Variants in HSPG2 observed in about 807,000 individuals in gnomAD.
HSPG2 encodes the protein heparan sulfate proteoglycan 2, also known as basement membrane-specific heparan sulfate proteoglycan core protein.
In HSPG2, 278 loss-of-function variants were observed where a neutral mutation model predicts 526.6. The ratio of observed to expected loss-of-function variants is 0.53; its 90% confidence interval spans 0.48 to 0.58. HSPG2 has a LOEUF of 0.58. Ranked by LOEUF, HSPG2 falls within the 20% of genes least tolerant of loss-of-function variation. HSPG2 has a pLI of 0.00. For synonymous variants in HSPG2, 2,465 were observed against 2,555.4 expected (o/e 0.96, Z 1.07); for missense variants, 5,354 against 6,099.5 (o/e 0.88, Z 4.07).
intron 75 of HSPG2, among the ~76,000 whole-genome samples, chr1:21,836,003 A>G (rs901928153): frequency 4.0e-5 from 6 of 151,526 alleles, no homozygotes; most frequent in Admixed American, 3.9e-4. Flanking sequence ...AAAAAAAAAA[A>G]GAATGCTTTG....
In HSPG2 at chr1:21,822,451, C is replaced by A; in HGVS notation, c.*865G>T. 1 of 563,534 alleles carries A rather than the reference C, an allele frequency of 1.8e-6. No homozygotes were observed. Among genetic ancestry groups the A allele is most frequent in the Non-Finnish European group, 3.2e-6 (1 of 313,270 alleles). The allele number at this position is 563,534 out of a possible 1,614,324, so 34.9% of individuals were successfully genotyped here. On this transcript the variant is annotated 3_prime_UTR_variant, in exon 97 of 97. Transcript: ENST00000374695. ...TCTCAGTCGTGAGTCCTGCCTTCCC[C>A]CACCTAAGGCACTAGCTCTTCCTGA...
Position 21,887,565 on chromosome 1 carries a change from A to T in HSPG2, c.813T>A (p.Ala271=). The T allele has an allele frequency of 6.2e-7, 1 of 1,613,998 alleles. No individual in the cohort carries two copies. Among genetic ancestry groups the T allele is most frequent in the Non-Finnish European group, 8.5e-7 (1 of 1,179,980 alleles). Residue 271 remains alanine (A), a synonymous_variant, in exon 8 of 97, where the codon GCT becomes GCA. Coordinates refer to ENST00000374695, the MANE Select transcript of HSPG2 (RefSeq NM_005529.7). The surrounding 1 kb of genome is among the most constrained non-coding windows in gnomAD (Gnocchi z 5.0). ...TIMRQPPVTH[A]PQPLLPGSVR... is the part of the protein sequence containing the mutation. The stretch of plus-strand genomic sequence containing the variant: ...CGGAACCGGGAAGCAGGGGCTGAGG[A>T]GCGTGGGTGACTGGTGGCTGTCGCA...
rs1557804725 is a variant in HSPG2 at position 21,896,292 on chromosome 1, C to CCCT, written c.79_81dup (p.Arg27dup). On this transcript the variant is annotated inframe_insertion, in exon 2 of 97. Coordinates refer to ENST00000374695, the MANE Select transcript of HSPG2 (RefSeq NM_005529.7). Reference sequence around the variant, plus strand: ...TCAGGCAGAGACAAGCCATCGTATGCCCTCAGCCCATGGGTCACCTGTAAG... The same window carrying CCCT: ...TCAGGCAGAGACAAGCCATCGTATGCCCTCCTCAGCCCATGGGTCACCTGTAAG... 6.2e-7 allele frequency: 1 copy of CCCT among 1,613,684 alleles called. No homozygotes were observed. The highest frequency in any genetic ancestry group is 2.2e-5 in the East Asian group (1 of 44,874).
rs376434256 is a variant in HSPG2 at position 21,850,367 on chromosome 1, C to T, written c.7290G>A (p.Val2430=). The change falls in exon 56 of 97, where the codon GTG becomes GTA. Residue 2430 remains valine, a synonymous_variant. Transcript: ENST00000374695. ...VLVTIEPAGS[V]PALGVTPTVR... is the part of the protein sequence containing the mutation. ...CCCTCCCTGAGAGCTACTCACCAGG[C>T]ACTGAGCCCGCAGGCTCAATGGTGA... 1.2e-6 allele frequency: 2 copies of T among 1,606,986 alleles called. No homozygotes were observed. The highest frequency in any genetic ancestry group is 8.5e-7 in the Non-Finnish European group (1 of 1,177,098).
intron 1 of HSPG2, among the ~76,000 whole-genome samples, chr1:21,933,336 G>T (rs1048834925): frequency 2.6e-5 from 4 of 152,166 alleles, no homozygotes; most frequent in Non-Finnish European, 4.4e-5. Flanking sequence ...ATTAAGTCAG[G>T]GGCTGGGACC....
Position 21,887,104 on chromosome 1 carries a change from AG to A in HSPG2, c.1078+110del. On this transcript the variant is annotated intron_variant, in intron 9 of 96. Coordinates refer to ENST00000374695, the MANE Select transcript of HSPG2 (RefSeq NM_005529.7). The surrounding 1 kb of genome is among the most constrained non-coding windows in gnomAD (Gnocchi z 5.0). ...AACAAACAGGCTTGGGGGACTGGGG[AG>A]GGGGGAAAGCGGAGGGGCAGGGTAG... is the stretch of plus-strand genomic sequence containing the variant. The A allele has an allele frequency of 3.3e-6, 3 of 913,664 alleles. No individual in the cohort carries two copies. Among genetic ancestry groups the A allele is most frequent in the Non-Finnish European group, 3.0e-6 (2 of 663,858 alleles). 56.6% of individuals were successfully genotyped at this position (913,664 alleles called of 1,614,324 possible).
At position 21,880,993 on chromosome 1, in the gene HSPG2, C is replaced by T. The variant is rs561360470; in HGVS notation, c.1819-158G>A. Among the ~76,000 whole-genome samples the T allele has an allele frequency of 2.0e-4, 31 of 152,248 alleles. No individual in the cohort carries two copies. In the South Asian group the frequency reaches 3.7e-3, roughly 18 times the overall value. On this transcript the variant is annotated intron_variant, in intron 14 of 96. Coordinates refer to ENST00000374695, the MANE Select transcript of HSPG2 (RefSeq NM_005529.7). ...CTAGGCACAGGGAAACCGAGATGGG[C>T]GAGACTCAGGCCCTGACTCTAGGGT...
Position 21,872,100 on chromosome 1 carries a change from T to C in HSPG2, c.4221+86A>G. ...CCTAACCACGATATGGCCATGCAGG[T>C]GGCAGGTGCCTGCCTGCTGAGAGAC... On this transcript the variant is annotated intron_variant, in intron 33 of 96. Coordinates refer to ENST00000374695, the MANE Select transcript of HSPG2 (RefSeq NM_005529.7). The surrounding 1 kb of genome is among the most constrained non-coding windows in gnomAD (Gnocchi z 5.5). 4.2e-6 allele frequency: 6 copies of C among 1,412,418 alleles called. No individual in the cohort carries two copies. Among genetic ancestry groups the C allele is most frequent in the Non-Finnish European group, 5.9e-6 (6 of 1,022,262 alleles). The allele number at this position is 1,412,418 out of a possible 1,614,324, so 87.5% of individuals were successfully genotyped here.
In HSPG2 at chr1:21,895,216, G is replaced by A. The variant is rs929749272; in HGVS notation, c.244+706C>T. On this transcript the variant is annotated intron_variant, in intron 3 of 96. Coordinates refer to ENST00000374695, the MANE Select transcript of HSPG2 (RefSeq NM_005529.7). The surrounding 1 kb of genome is among the most constrained non-coding windows in gnomAD (Gnocchi z 4.1). ...ATTGTCCCAGGAGCTGCCTCCCAGAGAGGGCAGTAGGAACCATAAAGAGCC... is the reference window on the plus strand; with the variant it reads ...ATTGTCCCAGGAGCTGCCTCCCAGAAAGGGCAGTAGGAACCATAAAGAGCC... Among the ~76,000 whole-genome samples, 1 of 152,188 alleles carries A rather than the reference G, an allele frequency of 6.6e-6. No homozygotes were observed. Among genetic ancestry groups the A allele is most frequent in the African/African-American group, 2.4e-5 (1 of 41,440 alleles).
At position 21,849,946 on chromosome 1, in the gene HSPG2, G is replaced by A. The variant is rs560375707; in HGVS notation, c.7446+95C>T. ...TCCTGCCTTGGCCTCCCAAAGTGCC[G>A]GGATTACAGGCGTGAGCCACTGCGC... On this transcript the variant is annotated intron_variant, in intron 57 of 96. Transcript: ENST00000374695. 3.9e-5 allele frequency: 58 copies of A among 1,501,264 alleles called. 1 individual carries two copies. The highest frequency in any genetic ancestry group is 4.7e-4 in the Middle Eastern group (2 of 4,228). The allele number at this position is 1,501,264 out of a possible 1,614,324, so 93.0% of individuals were successfully genotyped here.
At chr1:21,853,762 AAAAT>A (rs1639106763) in intron 50 of HSPG2, 1 of 159,530 alleles carries the variant, frequency 6.3e-6, no homozygotes, top group Admixed American at 7.0e-5. Context: ...AAAATAAAAT[AAAAT>A]AAAATAAAAT....
chr1:21,841,427 A>C (rs1409128992), intron 70 of HSPG2, 112 bp downstream of exon 70: 7 of 1,564,436 alleles, frequency 4.5e-6, no homozygotes, highest in Non-Finnish European at 6.1e-6. Flanking sequence ...TCAGAGAGGG[A>C]GAATGCCCAA....
intron 74 of HSPG2, among the ~76,000 whole-genome samples, chr1:21,838,445 C>A (rs1467629769): frequency 1.3e-5 from 2 of 152,252 alleles, no homozygotes; most frequent in African/African-American, 4.8e-5. Context: ...AGCATTTACC[C>A]AGCCCATCCT....
At chr1:21,928,408 C>T (rs996184291) in intron 1 of HSPG2, among the ~76,000 whole-genome samples, 3 of 152,254 alleles carry the variant, frequency 2.0e-5, no homozygotes, top group African/African-American at 7.2e-5. Context: ...TGCTGGCTTC[C>T]TCAAAGCCAT....
chr1:21,839,096 G>C lies in HSPG2; in HGVS notation c.9890-11C>G. Reference sequence around the variant, plus strand: ...TGGCATATGGTGGGCCTGAGTGGGGGGACACAGAGGTCAGGATTGGGGAGG... The same window carrying C: ...TGGCATATGGTGGGCCTGAGTGGGGCGACACAGAGGTCAGGATTGGGGAGG... On this transcript the variant is annotated splice_polypyrimidine_tract_variant and intron_variant, in intron 73 of 96. Transcript: ENST00000374695. This position sits in a 1 kb window ranked among gnomAD's most constrained non-coding sequence, Gnocchi z 4.5. 1 of 1,572,074 alleles carries C rather than the reference G, an allele frequency of 6.4e-7. No homozygotes were observed. The highest frequency in any genetic ancestry group is 8.7e-7 in the Non-Finnish European group (1 of 1,154,760).
chr1:21,878,334 C>T (rs553505974), intron 20 of HSPG2, 81 bp from the exon 21 acceptor site: 2 of 1,583,906 alleles, frequency 1.3e-6, no homozygotes. Flanking sequence ...CAGTGGCTCC[C>T]CAAGGTTCAT....
At chr1:21,914,261 G>A (rs1166476505) in intron 1 of HSPG2, among the ~76,000 whole-genome samples, 1 of 152,174 alleles carries the variant, frequency 6.6e-6, no homozygotes, top group African/African-American at 2.4e-5. Flanking sequence ...GTGAGGGGAC[G>A]GGGAGTGGCC....
In HSPG2 at chr1:21,876,364, G is replaced by A. The variant is rs1342394800; in HGVS notation, c.2868C>T (p.Thr956=). ...ASEEPGHFSL[T]NAASTHTTNE... ...TGGTGGTGTGGGTGCTTGCGGCGTTGGTCAGGCTGAAGTGACCAGGCTCCT... is the reference window on the plus strand; with the variant it reads ...TGGTGGTGTGGGTGCTTGCGGCGTTAGTCAGGCTGAAGTGACCAGGCTCCT... The change falls in exon 23 of 97, where the codon ACC becomes ACT. Residue 956 remains threonine (T), a synonymous_variant. Coordinates refer to ENST00000374695, the MANE Select transcript of HSPG2 (RefSeq NM_005529.7). 1.2e-6 allele frequency: 2 copies of A among 1,613,064 alleles called. No homozygotes were observed. The highest frequency in any genetic ancestry group is 2.2e-5 in the South Asian group (2 of 90,788).
In HSPG2 at chr1:21,824,310, A is replaced by G. The variant is rs2097962303; in HGVS notation, c.12811T>C (p.Phe4271Leu). The change falls in exon 94 of 97, where the codon TTC becomes CTC. Residue 4271 changes from phenylalanine to leucine, a missense_variant. Physicochemically the swap from Phe to Leu is conservative, Grantham distance 22. Transcript: ENST00000374695. This position sits in a 1 kb window ranked among gnomAD's most constrained non-coding sequence, Gnocchi z 5.9. ...GGGCCAGGTGCCAGGACCTACCTGA[A>G]GACAAGGTGCCCGTCTTGAAGCCCG... ...SLGLQDGHLV[F>L]RYQLGSGEAR... 12 of 1,613,820 alleles carry G rather than the reference A, an allele frequency of 7.4e-6. No individual in the cohort carries two copies. The highest frequency in any genetic ancestry group is 1.0e-5 in the Non-Finnish European group (12 of 1,179,982).
Sources: allele counts gnomAD v4.1 joint callset (sites outside exome capture counted in the v4.1 genomes callset), GRCh38; gene constraint gnomAD v4.1.1; non-coding constraint Gnocchi (gnomAD v3.1); transcripts MANE v1.5; gene names NCBI Gene and HGNC (gene_info 2026-07-23, HGNC 2026-07-21).